The following COL4A1 variants were observed in gnomAD, a reference collection of about 807,000 sequenced individuals.
The protein encoded by COL4A1 is collagen alpha-1(IV) chain.
In COL4A1, 40 loss-of-function variants were observed where a neutral mutation model predicts 216.6. That is an observed-to-expected ratio of 0.18 (90% CI 0.14 to 0.24). COL4A1 has a LOEUF of 0.24. Ranked by LOEUF, COL4A1 falls within the 10% of genes least tolerant of loss-of-function variation. COL4A1 has a pLI of 1.00. For missense variants in COL4A1, 1,628 were observed against 2,196.8 expected (o/e 0.74, Z 5.18); for synonymous variants, 839 against 810.7 (o/e 1.03, Z -0.59).
chr13:110,160,650 T>C lies in COL4A1; in HGVS notation c.4640+542A>G, dbSNP rs1594535101. Among the ~76,000 whole-genome samples, 7 of 152,302 alleles carry C rather than the reference T, an allele frequency of 4.6e-5. 1 individual carries two copies. The highest frequency in any genetic ancestry group is 1.7e-4 in the African/African-American group (7 of 41,548). On this transcript the variant is annotated intron_variant, in intron 49 of 51. Transcript: ENST00000375820. ...TGAGTCAGGCAAAATATAAATTATCTCTGCAAGCCTGGCATTATCTCACCA... is the reference window on the plus strand; with the variant it reads ...TGAGTCAGGCAAAATATAAATTATCCCTGCAAGCCTGGCATTATCTCACCA...
chr13:110,153,581 C>T (rs778276291), intron 50 of COL4A1, among the ~76,000 whole-genome samples: 19 of 152,230 alleles, frequency 1.2e-4, no homozygotes, highest in Non-Finnish European at 2.1e-4. Flanking sequence ...TTTTAATGAA[C>T]ATGGCAAGCT....
chr13:110,160,992 A>T (rs941060486), intron 49 of COL4A1, 200 bp downstream of exon 49: 2 of 650,626 alleles, frequency 3.1e-6, no homozygotes, highest in South Asian at 3.7e-5. Context: ...TACGGGCATG[A>T]GCCACTGTGC....
intron 2 of COL4A1, among the ~76,000 whole-genome samples, chr13:110,229,518 A>G (rs1425287450): frequency 6.6e-6 from 1 of 152,194 alleles, no homozygotes; most frequent in Non-Finnish European, 1.5e-5. Context: ...ATCCCAGGAT[A>G]ATAAAAGTGC....
At chr13:110,237,605 T>C (rs767727580) in intron 2 of COL4A1, among the ~76,000 whole-genome samples, 5 of 152,190 alleles carry the variant, frequency 3.3e-5, no homozygotes, top group Admixed American at 6.5e-5. Flanking sequence ...CACTGTATAA[T>C]AGATATTACA....
intron 1 of COL4A1, chr13:110,298,968 G>A (rs12874003): frequency 0.11 from 16,290 of 152,416 alleles, 968 homozygotes; most frequent in South Asian, 0.18. Flanking sequence ...GCCCTCTCCA[G>A]ATCCACTCAG....
intron 49 of COL4A1, among the ~76,000 whole-genome samples, chr13:110,160,592 C>T (rs1877037957): frequency 6.6e-6 from 1 of 152,218 alleles, no homozygotes; most frequent in Non-Finnish European, 1.5e-5. Flanking sequence ...AGTGGCATCA[C>T]CTTGCTCACA....
intron 1 of COL4A1, among the ~76,000 whole-genome samples, chr13:110,265,088 CCTT>C (rs1882974493): frequency 6.6e-6 from 1 of 152,212 alleles, no homozygotes; most frequent in Admixed American, 6.5e-5. Context: ...CTGCTAGAGA[CCTT>C]CTCGCTGCCT....
intron 2 of COL4A1, among the ~76,000 whole-genome samples, chr13:110,235,373 G>A (rs539107352): frequency 1.1e-4 from 17 of 152,234 alleles, no homozygotes; most frequent in African/African-American, 3.1e-4. Context: ...AGAAGATGCC[G>A]GGCGCAGTGG....
At chr13:110,163,948 G>C (rs556603404) in intron 46 of COL4A1, among the ~76,000 whole-genome samples, 2 of 146,664 alleles carry the variant, frequency 1.4e-5, no homozygotes, top group South Asian at 4.4e-4. Flanking sequence ...TTGTTTTCAT[G>C]TACATAGCTT....
chr13:110,225,321 C>T (rs1191105941), intron 2 of COL4A1, among the ~76,000 whole-genome samples: 5 of 152,226 alleles, frequency 3.3e-5, no homozygotes, highest in African/African-American at 9.6e-5. Flanking sequence ...CAGTGGCTCA[C>T]GCCTATAATC....
intron 26 of COL4A1, among the ~76,000 whole-genome samples, chr13:110,185,099 C>T (rs1320530897): frequency 6.6e-6 from 1 of 152,170 alleles, no homozygotes; most frequent in African/African-American, 2.4e-5. Context: ...ATTGCTCCAA[C>T]GTGGTTATTG....
At chr13:110,166,163 G>C in intron 45 of COL4A1, 69 bp downstream of exon 45, 2 of 925,126 alleles carry the variant, frequency 2.2e-6, no homozygotes, top group South Asian at 1.3e-5. Context: ...CCCCAATTCT[G>C]TGCATTCCTG....
intron 43 of COL4A1, 107 bp from the exon 44 acceptor site, chr13:110,167,337 G>C: frequency 1.2e-6 from 1 of 861,740 alleles, no homozygotes; most frequent in Non-Finnish European, 2.0e-6. Context: ...GTTCTGGAAA[G>C]CACATTTGTG....
intron 25 of COL4A1, 87 bp downstream of exon 25, chr13:110,187,051 C>T: frequency 6.7e-7 from 1 of 1,499,138 alleles, no homozygotes. Context: ...GATAGAAATA[C>T]ATCAATATGA....
At position 110,150,040 on chromosome 13, in the gene COL4A1, C is replaced by G. The variant is rs1446931062; in HGVS notation, c.*323G>C. 2.5e-6 allele frequency: 1 copy of G among 398,458 alleles called. No individual in the cohort carries two copies. Among genetic ancestry groups the G allele is most frequent in the Admixed American group, 3.6e-5 (1 of 27,546 alleles). 24.7% of individuals were successfully genotyped at this position (398,458 alleles called of 1,614,324 possible). ...ATGGGCAAACAGTATGGAAGGCACC[C>G]ACACCTCCTAGCACCCTTTGGTTTT... On this transcript the variant is annotated 3_prime_UTR_variant, in exon 52 of 52. Coordinates refer to ENST00000375820, the MANE Select transcript of COL4A1 (RefSeq NM_001845.6).
At chr13:110,206,964 C>T (rs1269485067) in intron 13 of COL4A1, 73 bp from the exon 14 acceptor site, 1 of 1,434,122 alleles carries the variant, frequency 7.0e-7, no homozygotes, top group East Asian at 2.3e-5. Context: ...ATTAAACACA[C>T]AGCAGAAAAA....
At chr13:110,204,582 G>C (rs966722463) in intron 17 of COL4A1, among the ~76,000 whole-genome samples, 3 of 140,222 alleles carry the variant, frequency 2.1e-5, no homozygotes, top group African/African-American at 7.5e-5. Context: ...CTCATATTAA[G>C]AGAGAAAAAT....
At chr13:110,248,560 C>A (rs1189575709) in intron 1 of COL4A1, among the ~76,000 whole-genome samples, 1 of 151,844 alleles carries the variant, frequency 6.6e-6, no homozygotes, top group Admixed American at 6.6e-5. Context: ...GGCGCGACGT[C>A]GGCTCACCGC....
At chr13:110,192,147 C>T (rs909563880) in intron 24 of COL4A1, 67 bp downstream of exon 24, 2 of 1,534,130 alleles carry the variant, frequency 1.3e-6, no homozygotes, top group African/African-American at 2.7e-5. Context: ...TGCAAAACGA[C>T]ACAACTCTGT....
Sources: gnomAD v4.1 joint callset for allele counts (sites outside exome capture counted in the v4.1 genomes callset) on GRCh38, gnomAD v4.1.1 for gene constraint, MANE v1.5 for transcripts, NCBI Gene and HGNC (gene_info 2026-07-23, HGNC 2026-07-21) for gene names.